SMAP2: variants seen among roughly 807,000 people sequenced by gnomAD.
SMAP2 encodes the protein stromal membrane-associated protein 2.
Under a neutral mutation model 56.4 loss-of-function variants are expected in SMAP2, and 25 were observed. The ratio of observed to expected loss-of-function variants is 0.44; its 90% CI spans 0.32 to 0.62. The LOEUF is 0.62. Ranked by LOEUF, SMAP2 falls within the 20% of genes least tolerant of loss-of-function variation. The probability of loss-of-function intolerance (pLI) is 0.04; values close to 1 mark genes in which losing one functional copy is unlikely to be tolerated. For missense variants in SMAP2, 388 were observed against 545.6 expected (o/e 0.71, Z 2.88); for synonymous variants, 157 against 181.7 (o/e 0.86, Z 1.09).
chr1:40,382,496 T>C (rs1256239964), intron 1 of SMAP2, among the ~76,000 whole-genome samples: 5 of 152,214 alleles, frequency 3.3e-5, no homozygotes, highest in Admixed American at 6.5e-5. Flanking sequence ...CCTTTTGTTA[T>C]TGTGTCTGCT....
intron 1 of SMAP2, among the ~76,000 whole-genome samples, chr1:40,361,926 T>C (rs3013462): frequency 0.55 from 84,226 of 152,062 alleles, 24,813 homozygotes; most frequent in African/African-American, 0.75. Context: ...ATAGGAAGCC[T>C]GTGGCCAATG....
At chr1:40,373,260 A>AG (rs140797518), upstream of SMAP2, among the ~76,000 whole-genome samples, 372 of 152,184 alleles carry the variant, frequency 2.4e-3, 1 homozygote, top group African/African-American at 8.0e-3. Flanking sequence ...AAATGTGGGG[A>AG]GGGGGTGACG....
chr1:40,422,224 G>T lies in SMAP2; in HGVS notation c.*123G>T. The T allele has an allele frequency of 7.3e-7, 1 of 1,365,638 alleles. No homozygotes were observed. 84.6% of individuals were successfully genotyped at this position (1,365,638 alleles called of 1,614,324 possible). ...GTTTGGTTTAGAAATTGCTCAATAA[G>T]TCATTTGGGGTTTGGCATCCTGCCC... On this transcript the variant is annotated 3_prime_UTR_variant, in exon 10 of 10. Transcript: ENST00000372718.
At chr1:40,395,369 G>GT in intron 1 of SMAP2, among the ~76,000 whole-genome samples, 1 of 152,232 alleles carries the variant, frequency 6.6e-6, no homozygotes, top group Non-Finnish European at 1.5e-5. Context: ...AAGAGTCACA[G>GT]TAAGTCCCTA....
In SMAP2 at chr1:40,352,012, C is replaced by T. The variant is rs879557303; in HGVS notation, c.-83+7102C>T. On this transcript the variant is annotated intron_variant, in intron 1 of 6. Transcript: ENST00000435168. ...CTCTCTCCCCAAGACTGCACACACC[C>T]GCACATCCATGAATTTTTTTTTCTT... 3.9e-5 allele frequency among the ~76,000 whole-genome samples: 6 copies of T among 152,016 alleles called. No individual in the cohort carries two copies. In the South Asian group the frequency reaches 6.2e-4, roughly 16 times the overall value.
chr1:40,358,522 C>T (rs897834711), intron 1 of SMAP2, among the ~76,000 whole-genome samples: 5 of 151,958 alleles, frequency 3.3e-5, no homozygotes, highest in East Asian at 1.9e-4. Flanking sequence ...CTAGACTGGG[C>T]GACAGAGCAA....
chr1:40,371,155 G>A (rs1453729064), upstream of SMAP2, among the ~76,000 whole-genome samples: 1 of 152,036 alleles, frequency 6.6e-6, no homozygotes, highest in Admixed American at 6.6e-5. Context: ...CCTGGCGACA[G>A]AGCGAGACTC....
At chr1:40,395,691 A>G (rs1644764155) in intron 1 of SMAP2, among the ~76,000 whole-genome samples, 1 of 152,170 alleles carries the variant, frequency 6.6e-6, no homozygotes, top group Non-Finnish European at 1.5e-5. Context: ...CACACAGGAA[A>G]TTAGTGCTGT....
At position 40,408,795 on chromosome 1, in the gene SMAP2, T is replaced by G; in HGVS notation, c.323+57T>G. 7.1e-7 allele frequency: 1 copy of G among 1,407,758 alleles called. No homozygotes were observed. Among genetic ancestry groups the G allele is most frequent in the Non-Finnish European group, 1.0e-6 (1 of 993,218 alleles). 87.2% of individuals were successfully genotyped at this position (1,407,758 alleles called of 1,614,324 possible). A position where few individuals can be genotyped will look rare whatever the true frequency, so the allele number is the denominator to read the frequency against. The stretch of plus-strand genomic sequence containing the variant: ...GTGGTATTTTGATGCTTGGGGAGAG[T>G]CAGACAAGACTCCAGTCCTGTAATG... On this transcript the variant is annotated intron_variant, in intron 3 of 9. Coordinates refer to ENST00000372718, the MANE Select transcript of SMAP2 (RefSeq NM_022733.3). The surrounding 1 kb of genome is among the most constrained non-coding windows in gnomAD (Gnocchi z 4.3).
chr1:40,372,150 C>T (rs1249023730), upstream of SMAP2, among the ~76,000 whole-genome samples: 2 of 152,072 alleles, frequency 1.3e-5, no homozygotes, highest in African/African-American at 2.4e-5. Flanking sequence ...CTAGAGAGCA[C>T]GGTGAAGGAT....
chr1:40,374,365 A>C lies in SMAP2; in HGVS notation c.103+142A>C. On this transcript the variant is annotated intron_variant, in intron 1 of 9. Coordinates refer to ENST00000372718, the MANE Select transcript of SMAP2 (RefSeq NM_022733.3). The surrounding 1 kb of genome is among the most constrained non-coding windows in gnomAD (Gnocchi z 5.9). ...CGCGTGCTGCGCTTGCAGTGAGCCT[A>C]CTGGGCTTTCTGCAGCTGGGGGATT... 1 of 752,376 alleles carries C rather than the reference A, an allele frequency of 1.3e-6. No homozygotes were observed. Among genetic ancestry groups the C allele is most frequent in the Non-Finnish European group, 2.3e-6 (1 of 434,154 alleles). 46.6% of individuals were successfully genotyped at this position (752,376 alleles called of 1,614,324 possible).
At position 40,373,775 on chromosome 1, in the gene SMAP2, G is replaced by A. The variant is rs1644514884; in HGVS notation, c.-346G>A. 5.1e-6 allele frequency: 1 copy of A among 196,074 alleles called. No individual in the cohort carries two copies. 12.1% of individuals were successfully genotyped at this position (196,074 alleles called of 1,614,324 possible). A position where few individuals can be genotyped will look rare whatever the true frequency, so the allele number is the denominator to read the frequency against. On this transcript the variant is annotated 5_prime_UTR_variant, in exon 1 of 10. Coordinates refer to ENST00000372718, the MANE Select transcript of SMAP2 (RefSeq NM_022733.3). Reference sequence around the variant, plus strand: ...CAGCTGCCAGGGAAACCGAGGCGCGGGACGCAAGGCCAGCAGACAGGCCGG... The same window carrying A: ...CAGCTGCCAGGGAAACCGAGGCGCGAGACGCAAGGCCAGCAGACAGGCCGG...
At chr1:40,398,451 G>A (rs1644795385) in intron 1 of SMAP2, among the ~76,000 whole-genome samples, 2 of 151,962 alleles carry the variant, frequency 1.3e-5, no homozygotes, top group African/African-American at 4.8e-5. Flanking sequence ...TTTAATACTG[G>A]ATTTTTAAAA....
rs569140044 is a variant in SMAP2, at chr1:40,412,896, G to A, written c.403-120G>A. Reference sequence around the variant, plus strand: ...AAGACACCGCCCCCCAAGCTTGTCAGACACTTACGTCAGAATCAATAGGGA... The same window carrying A: ...AAGACACCGCCCCCCAAGCTTGTCAAACACTTACGTCAGAATCAATAGGGA... On this transcript the variant is annotated intron_variant, in intron 4 of 9. Transcript: ENST00000372718. 3.8e-5 allele frequency: 27 copies of A among 705,864 alleles called. No homozygotes were observed. In the East Asian group the frequency reaches 6.8e-4, roughly 18 times the overall value. 43.7% of individuals were successfully genotyped at this position (705,864 alleles called of 1,614,324 possible).
At chr1:40,362,824 C>G (rs1436836983) in intron 2 of SMAP2, among the ~76,000 whole-genome samples, 1 of 152,116 alleles carries the variant, frequency 6.6e-6, no homozygotes, top group African/African-American at 2.4e-5. Flanking sequence ...AAGAGGAAGG[C>G]TATTCCCAGG....
In SMAP2 at chr1:40,415,210, A is replaced by G. The variant is rs935459402; in HGVS notation, c.572-62A>G. On this transcript the variant is annotated intron_variant, in intron 6 of 9. Coordinates refer to ENST00000372718, the MANE Select transcript of SMAP2 (RefSeq NM_022733.3). ...GGGCCACCTTTGCTTTTTGTCTAGA[A>G]TAGAAGGAAGGCATGGGCTTAATAA... The G allele has an allele frequency of 2.3e-6, 3 of 1,301,640 alleles. No individual in the cohort carries two copies. In the Admixed American group the frequency reaches 5.3e-5, roughly 23 times the overall value. The allele number at this position is 1,301,640 out of a possible 1,614,324, so 80.6% of individuals were successfully genotyped here.
At chr1:40,364,268 G>A (rs1354885514) in intron 2 of SMAP2, among the ~76,000 whole-genome samples, 1 of 152,036 alleles carries the variant, frequency 6.6e-6, no homozygotes, top group African/African-American at 2.4e-5. Context: ...ATTTATGTGA[G>A]TTGGGGTTTC....
intron 5 of SMAP2, 80 bp downstream of exon 5, chr1:40,413,182 G>C: frequency 9.5e-7 from 1 of 1,051,382 alleles, no homozygotes; most frequent in Non-Finnish European, 1.5e-6. Flanking sequence ...GAGGTCTCGT[G>C]GTGAGTACCA....
chr1:40,421,770 G>A (rs953371879), intron 9 of SMAP2, among the ~76,000 whole-genome samples: 11 of 152,280 alleles, frequency 7.2e-5, no homozygotes, highest in South Asian at 2.1e-4. Flanking sequence ...TTTAGTCTCC[G>A]TCAGCATTGC....
Sources: gnomAD v4.1 joint callset for allele counts (sites outside exome capture counted in the v4.1 genomes callset) on GRCh38, gnomAD v4.1.1 for gene constraint, Gnocchi (gnomAD v3.1) non-coding constraint, MANE v1.5 for transcripts, NCBI Gene and HGNC (gene_info 2026-07-23, HGNC 2026-07-21) for gene names.